The following KCNH1 variants were observed in gnomAD, a reference collection of about 807,000 sequenced individuals.
The protein encoded by KCNH1 is voltage-gated delayed rectifier potassium channel KCNH1.
In KCNH1, 27 loss-of-function variants were observed where a neutral mutation model predicts 69.2. That is an observed-to-expected ratio of 0.39 (90% CI 0.29 to 0.54). The LOEUF (loss-of-function observed/expected upper bound fraction) is 0.54. Among genes scored for constraint, KCNH1 ranks in the 20% least tolerant of loss-of-function variants. The pLI is 0.68. For missense variants in KCNH1, 798 were observed against 1,261.6 expected (o/e 0.63, Z 5.57); for synonymous variants, 456 against 487.7 (o/e 0.93, Z 0.86).
Position 211,133,049 on chromosome 1 carries a change from T to C in KCNH1, c.79+818A>G, listed in dbSNP as rs1370022401. 2.0e-5 allele frequency: 3 copies of C among 152,298 alleles called. No individual in the cohort carries two copies. The highest frequency in any genetic ancestry group is 1.9e-4 in the East Asian group (1 of 5,182). The allele number at this position is 152,298 out of a possible 1,614,324, so 9.4% of individuals were successfully genotyped here. A position where few individuals can be genotyped will look rare whatever the true frequency, so the allele number is the denominator to read the frequency against. ...GATCTTAATGCCACAAGGAAACAGATGAGTGCTGATTGTCAGTTTATTGGG... is the reference window on the plus strand; with the variant it reads ...GATCTTAATGCCACAAGGAAACAGACGAGTGCTGATTGTCAGTTTATTGGG... On this transcript the variant is annotated intron_variant, in intron 1 of 10. Transcript: ENST00000271751. The surrounding 1 kb of genome is among the most constrained non-coding windows in gnomAD (Gnocchi z 5.4).
chr1:210,823,840 C>T (rs921820322), intron 7 of KCNH1, among the ~76,000 whole-genome samples: 1 of 152,150 alleles, frequency 6.6e-6, no homozygotes, highest in Non-Finnish European at 1.5e-5. Flanking sequence ...ACTGTACTGG[C>T]CCTTGCCTAC....
intron 6 of KCNH1, among the ~76,000 whole-genome samples, chr1:211,014,084 G>C (rs1689449146): frequency 6.6e-6 from 1 of 152,164 alleles, no homozygotes; most frequent in Non-Finnish European, 1.5e-5. Flanking sequence ...GCCAGGGATA[G>C]AAAAAAGCTC....
intron 6 of KCNH1, among the ~76,000 whole-genome samples, chr1:210,936,386 G>A (rs999117940): frequency 2.0e-5 from 3 of 152,076 alleles, no homozygotes; most frequent in African/African-American, 4.8e-5. Context: ...CTGGCTTTCC[G>A]CCAGCACCCT....
At chr1:210,782,455 G>A (rs568877965) in intron 9 of KCNH1, among the ~76,000 whole-genome samples, 1 of 152,216 alleles carries the variant, frequency 6.6e-6, no homozygotes, top group Non-Finnish European at 1.5e-5. Flanking sequence ...GCCGGGCACA[G>A]TAGCTCACAC....
chr1:210,865,448 T>C (rs1442005021), intron 7 of KCNH1, among the ~76,000 whole-genome samples: 3 of 152,130 alleles, frequency 2.0e-5, no homozygotes, highest in Non-Finnish European at 4.4e-5. Flanking sequence ...TCAAAGCTCA[T>C]AGTCTTTAGA....
intron 6 of KCNH1, among the ~76,000 whole-genome samples, chr1:210,976,054 C>T (rs542620531): frequency 6.6e-6 from 1 of 152,284 alleles, no homozygotes; most frequent in East Asian, 1.9e-4. Context: ...CAATGAGATA[C>T]CATCTCACAC....
intron 6 of KCNH1, among the ~76,000 whole-genome samples, chr1:211,001,719 GT>G (rs1689183281): frequency 6.6e-6 from 1 of 152,150 alleles, no homozygotes; most frequent in African/African-American, 2.4e-5. Context: ...GTACACGTAT[GT>G]TTATTGCGGC....
At chr1:210,823,766 C>G (rs1684979177) in intron 7 of KCNH1, among the ~76,000 whole-genome samples, 1 of 152,104 alleles carries the variant, frequency 6.6e-6, no homozygotes, top group Non-Finnish European at 1.5e-5. Flanking sequence ...CCCCAAATCA[C>G]ACAGCAACCA....
At chr1:210,874,498 G>T (rs995927370) in intron 7 of KCNH1, among the ~76,000 whole-genome samples, 1 of 152,076 alleles carries the variant, frequency 6.6e-6, no homozygotes, top group Non-Finnish European at 1.5e-5. Flanking sequence ...TCTCTCAAAG[G>T]TCTCATGGAA....
intron 10 of KCNH1, among the ~76,000 whole-genome samples, chr1:210,761,249 CAAAAAAAAAAAAAAA>C (rs58988658): frequency 1.3e-4 from 5 of 37,092 alleles, no homozygotes; most frequent in African/African-American, 5.5e-4. Context: ...GAGACTCCGT[CAAAAAAAAAAAAAAA>C]AAAAAAAAAA....
At chr1:210,953,052 C>T (rs1465275597) in intron 6 of KCNH1, among the ~76,000 whole-genome samples, 2 of 152,126 alleles carry the variant, frequency 1.3e-5, no homozygotes, top group African/African-American at 4.8e-5. Context: ...TTTATTTGAC[C>T]CAGATAATCA....
chr1:210,812,763 G>C (rs1460650741), intron 7 of KCNH1, among the ~76,000 whole-genome samples: 1 of 152,168 alleles, frequency 6.6e-6, no homozygotes, highest in Non-Finnish European at 1.5e-5. Context: ...AGAGCAAATA[G>C]AGTCTAAAAA....
intron 7 of KCNH1, among the ~76,000 whole-genome samples, chr1:210,818,399 T>C (rs1041570378): frequency 2.0e-5 from 3 of 152,176 alleles, no homozygotes; most frequent in Admixed American, 2.0e-4. Flanking sequence ...GAATCTCTGC[T>C]GTTTCCCTTC....
At chr1:210,689,647 C>T (rs186806656) in intron 10 of KCNH1, among the ~76,000 whole-genome samples, 3 of 152,346 alleles carry the variant, frequency 2.0e-5, no homozygotes, top group African/African-American at 7.2e-5. Flanking sequence ...CACACGTCCC[C>T]AGTCTGAAAT....
intron 10 of KCNH1, among the ~76,000 whole-genome samples, chr1:210,699,402 T>C (rs1681720415): frequency 6.6e-6 from 1 of 152,198 alleles, no homozygotes; most frequent in South Asian, 2.1e-4. Context: ...GGCAGGGGAA[T>C]ACCTTTGTAG....
intron 6 of KCNH1, among the ~76,000 whole-genome samples, chr1:210,994,613 G>A (rs764746445): frequency 1.8e-4 from 27 of 152,180 alleles, no homozygotes; most frequent in Non-Finnish European, 3.7e-4. Flanking sequence ...ACTTCATAGT[G>A]TGAAGACAAA....
intron 10 of KCNH1, among the ~76,000 whole-genome samples, chr1:210,726,835 C>T (rs963662825): frequency 2.0e-5 from 3 of 152,146 alleles, no homozygotes; most frequent in African/African-American, 4.8e-5. Context: ...CTACTCTCCT[C>T]TATTCATTTA....
In KCNH1 at chr1:210,821,802, CTATTTATTTATTTATTTATTTATTTATT is replaced by C. The variant is rs71767944; in HGVS notation, c.1463-17664_1463-17637del. ...ACTTGGTCCAATAGATTAACTCCAG[CTATTTATTTATTTATTTATTTATTTATT>C]TATTTATTTATTTATTTATTTAAAG... is the stretch of plus-strand genomic sequence containing the variant. On this transcript the variant is annotated intron_variant, in intron 7 of 10. Transcript: ENST00000271751. Among the ~76,000 whole-genome samples the C allele has an allele frequency of 4.2e-5, 6 of 142,528 alleles. No individual in the cohort carries two copies. In the South Asian group the frequency reaches 9.6e-4, roughly 23 times the overall value. 93.5% of individuals were successfully genotyped at this position (142,528 alleles called of 152,430 possible).
intron 6 of KCNH1, among the ~76,000 whole-genome samples, chr1:210,990,495 T>G (rs913936658): frequency 3.9e-5 from 6 of 152,196 alleles, no homozygotes; most frequent in African/African-American, 1.4e-4. Flanking sequence ...GACAAGCTAC[T>G]GTTTTGACAT....
Sources: allele counts gnomAD v4.1 joint callset (sites outside exome capture counted in the v4.1 genomes callset), GRCh38; gene constraint gnomAD v4.1.1; non-coding constraint Gnocchi (gnomAD v3.1); transcripts MANE v1.5; gene names NCBI Gene and HGNC (gene_info 2026-07-23, HGNC 2026-07-21).